FBXL7: variants seen among roughly 807,000 people sequenced by gnomAD.
FBXL7 encodes F-box/LRR-repeat protein 7.
In FBXL7, 12 loss-of-function variants were observed where a neutral mutation model predicts 38.3. The ratio of observed to expected loss-of-function variants is 0.31; its 90% confidence interval spans 0.20 to 0.51. FBXL7 has a LOEUF of 0.51. Among genes scored for constraint, FBXL7 ranks in the 20% least tolerant of loss-of-function variants. The probability of loss-of-function intolerance (pLI) is 0.98; values close to 1 mark genes in which losing one functional copy is unlikely to be tolerated. For synonymous variants in FBXL7, 297 were observed against 300.9 expected (o/e 0.99, Z 0.13); for missense variants, 567 against 676.4 (o/e 0.84, Z 1.79).
intron 2 of FBXL7, among the ~76,000 whole-genome samples, chr5:15,666,051 T>C (rs1427774559): frequency 1.3e-5 from 2 of 152,152 alleles, no homozygotes; most frequent in Non-Finnish European, 2.9e-5. Flanking sequence ...CTTCCATTAG[T>C]CATTGATAAA....
chr5:15,827,808 C>T (rs186911928), intron 2 of FBXL7, among the ~76,000 whole-genome samples: 24 of 152,310 alleles, frequency 1.6e-4, no homozygotes, highest in Admixed American at 1.4e-3. Flanking sequence ...GCGTTGCAGC[C>T]AGTTTATCTT....
At chr5:15,702,769 C>A (rs2126634540) in intron 2 of FBXL7, among the ~76,000 whole-genome samples, 1 of 152,228 alleles carries the variant, frequency 6.6e-6, no homozygotes, top group African/African-American at 2.4e-5. Context: ...GACCACCAAA[C>A]AGGCTTTGTG....
intron 2 of FBXL7, among the ~76,000 whole-genome samples, chr5:15,851,376 C>G (rs1426368629): frequency 1.3e-5 from 2 of 152,166 alleles, no homozygotes; most frequent in Non-Finnish European, 2.9e-5. Flanking sequence ...GCATGTGCCT[C>G]AGGTCGCAAC....
At chr5:15,714,120 G>GTC (rs1300961569) in intron 2 of FBXL7, among the ~76,000 whole-genome samples, 6 of 152,204 alleles carry the variant, frequency 3.9e-5, no homozygotes, top group Non-Finnish European at 8.8e-5. Flanking sequence ...TTGGAAGTGT[G>GTC]TCCTGGCCTA....
chr5:15,906,666 C>A (rs1269932073), intron 2 of FBXL7, among the ~76,000 whole-genome samples: 2 of 102,662 alleles, frequency 1.9e-5, no homozygotes, highest in Non-Finnish European at 3.8e-5. Context: ...TCCCTCCCCC[C>A]TCCCCCGACC....
intron 1 of FBXL7, among the ~76,000 whole-genome samples, chr5:15,514,318 G>T (rs1383370566): frequency 2.6e-5 from 4 of 151,962 alleles, no homozygotes; most frequent in Non-Finnish European, 5.9e-5. Context: ...AAATTTTGCT[G>T]TCGCTGAAGA....
rs762341690 is a variant in FBXL7, at chr5:15,936,701, G to A, written c.991G>A (p.Val331Ile). The A allele has an allele frequency of 1.2e-5, 19 of 1,608,014 alleles. No individual in the cohort carries two copies. The highest frequency in any genetic ancestry group is 1.1e-4 in the South Asian group (10 of 90,966). ...CTGCGCCTCCATCAAGGAGCTGAGC[G>A]TCAGCGACTGCCGCTTCGTCAGCGA... ...IYCASIKELSVSDCRFVSDFG... is the reference protein window; with the variant it reads ...IYCASIKELSISDCRFVSDFG... Residue 331 changes from valine (V) to isoleucine (I), a missense_variant, in exon 4 of 4, where the codon GTC becomes ATC. Transcript: ENST00000504595. The surrounding 1 kb of genome is among the most constrained non-coding windows in gnomAD (Gnocchi z 6.0).
intron 1 of FBXL7, among the ~76,000 whole-genome samples, chr5:15,520,387 T>TA (rs1257300701): frequency 3.3e-5 from 5 of 152,206 alleles, no homozygotes; most frequent in African/African-American, 1.2e-4. Flanking sequence ...TAATGAACTT[T>TA]TTAATAGTTC....
chr5:15,850,446 A>G (rs1482989037), intron 2 of FBXL7, among the ~76,000 whole-genome samples: 1 of 152,228 alleles, frequency 6.6e-6, no homozygotes, highest in Admixed American at 6.5e-5. Flanking sequence ...GGGTATTGCC[A>G]GGTAAATCAG....
At chr5:15,809,562 T>C (rs1296233836) in intron 2 of FBXL7, among the ~76,000 whole-genome samples, 1 of 152,134 alleles carries the variant, frequency 6.6e-6, no homozygotes, top group Non-Finnish European at 1.5e-5. Context: ...TTTAGTATTA[T>C]CACCAGAGTC....
At chr5:15,770,046 A>G (rs1736687570) in intron 2 of FBXL7, among the ~76,000 whole-genome samples, 1 of 152,338 alleles carries the variant, frequency 6.6e-6, no homozygotes, top group Admixed American at 6.5e-5. Flanking sequence ...ACTTTTGATT[A>G]TAATTTAATG....
chr5:15,842,361 G>A (rs115390887), intron 2 of FBXL7, among the ~76,000 whole-genome samples: 320 of 152,316 alleles, frequency 2.1e-3, no homozygotes, highest in African/African-American at 7.2e-3. Context: ...TGGAAAGGGC[G>A]TATTCACCCA....
At chr5:15,648,410 G>A (rs540543684) in intron 2 of FBXL7, among the ~76,000 whole-genome samples, 178 of 152,266 alleles carry the variant, frequency 1.2e-3, no homozygotes, top group African/African-American at 4.0e-3. Flanking sequence ...ACTGATAGTC[G>A]CTTATTAAGG....
At chr5:15,881,065 G>A (rs114185756) in intron 2 of FBXL7, among the ~76,000 whole-genome samples, 2,121 of 151,330 alleles carry the variant, frequency 0.014, 48 homozygotes, top group African/African-American at 0.047. Context: ...TTTGTTTTTT[G>A]GGAACAGGTG....
intron 2 of FBXL7, among the ~76,000 whole-genome samples, chr5:15,895,952 T>C (rs1382239969): frequency 1.3e-5 from 2 of 151,636 alleles, no homozygotes; most frequent in African/African-American, 4.8e-5. Context: ...CCCTTTTTCA[T>C]ACTTTTAAAC....
At chr5:15,675,183 T>C (rs149074563) in intron 2 of FBXL7, among the ~76,000 whole-genome samples, 43 of 152,372 alleles carry the variant, frequency 2.8e-4, no homozygotes, top group Non-Finnish European at 1.2e-4. Context: ...CAAAATGTTA[T>C]GTTTTATCGT....
At chr5:15,554,402 A>T (rs1738173038) in intron 1 of FBXL7, among the ~76,000 whole-genome samples, 2 of 152,202 alleles carry the variant, frequency 1.3e-5, no homozygotes. Flanking sequence ...CGTAACTACC[A>T]ACTGTAAACA....
At chr5:15,832,464 G>T (rs13158449) in intron 2 of FBXL7, among the ~76,000 whole-genome samples, 45,892 of 152,036 alleles carry the variant, frequency 0.3, 7,595 homozygotes, top group East Asian at 0.51. Flanking sequence ...GTAACAGACT[G>T]TGGAATAATT....
chr5:15,574,710 A>G (rs941317620), intron 1 of FBXL7, among the ~76,000 whole-genome samples: 1 of 152,146 alleles, frequency 6.6e-6, no homozygotes, highest in Non-Finnish European at 1.5e-5. Context: ...AGGTGCTTGT[A>G]AGCCTGTATT....
Sources: allele counts gnomAD v4.1 joint callset (sites outside exome capture counted in the v4.1 genomes callset), GRCh38; gene constraint gnomAD v4.1.1; non-coding constraint Gnocchi (gnomAD v3.1); transcripts MANE v1.5; gene names NCBI Gene and HGNC (gene_info 2026-07-23, HGNC 2026-07-21).